The following DOCK5 variants were observed in gnomAD, a reference collection of about 807,000 sequenced individuals.
DOCK5 encodes dedicator of cytokinesis 5.
In DOCK5, 142 loss-of-function variants were observed where a neutral mutation model predicts 251.8. The observed-to-expected ratio is 0.56, with a 90% CI of 0.49 to 0.65. DOCK5 has a LOEUF of 0.65. Ranked by LOEUF, DOCK5 falls within the 30% of genes least tolerant of loss-of-function variation. DOCK5 has a pLI of 0.00. For synonymous variants in DOCK5, 842 were observed against 835.5 expected (o/e 1.01, Z -0.13); for missense variants, 2,111 against 2,312.3 (o/e 0.91, Z 1.79).
chr8:25,363,121 G>T lies in DOCK5; in HGVS notation c.3024G>T (p.Val1008=). ...ATGTCTATGCCAAAGATTGGATGGTGATGAATATGACTCAAAACAGGTGAG... is the reference window on the plus strand; with the variant it reads ...ATGTCTATGCCAAAGATTGGATGGTTATGAATATGACTCAAAACAGGTGAG... ...GKNVYAKDWM[V]MNMTQNRVFL... The change falls in exon 29 of 52, where the codon GTG becomes GTT. Residue 1008 remains valine, a synonymous_variant. Transcript: ENST00000276440. 4 of 1,614,018 alleles carry T rather than the reference G, an allele frequency of 2.5e-6. No homozygotes were observed. The highest frequency in any genetic ancestry group is 1.6e-4 in the Middle Eastern group (1 of 6,062).
chr8:25,188,944 A>T (rs1366999873), intron 1 of DOCK5, among the ~76,000 whole-genome samples: 1 of 152,002 alleles, frequency 6.6e-6, no homozygotes, highest in Non-Finnish European at 1.5e-5. Flanking sequence ...TTTATTTTTA[A>T]GTTTGCTTCC....
At chr8:25,232,213 T>A (rs1001973228) in intron 1 of DOCK5, among the ~76,000 whole-genome samples, 7 of 152,254 alleles carry the variant, frequency 4.6e-5, no homozygotes, top group African/African-American at 1.4e-4. Flanking sequence ...TTTGGCTACT[T>A]GGTAATCTTG....
chr8:25,376,328 T>C (rs559626708), intron 37 of DOCK5: 26 of 985,276 alleles, frequency 2.6e-5, no homozygotes, highest in Non-Finnish European at 3.0e-5. Flanking sequence ...GAGATGCTGT[T>C]TGTTAAGTAT....
chr8:25,214,875 G>C (rs1373435424), intron 1 of DOCK5, among the ~76,000 whole-genome samples: 1 of 152,170 alleles, frequency 6.6e-6, no homozygotes, highest in Non-Finnish European at 1.5e-5. Context: ...AGATGGGATG[G>C]CTAGAATCTG....
At chr8:25,350,559 T>G (rs963503573) in intron 26 of DOCK5, among the ~76,000 whole-genome samples, 4 of 152,210 alleles carry the variant, frequency 2.6e-5, no homozygotes, top group African/African-American at 9.6e-5. Context: ...ATCCTTGTAT[T>G]AGTCTGCTCA....
At chr8:25,290,845 A>T (rs1267753823) in intron 5 of DOCK5, among the ~76,000 whole-genome samples, 1 of 152,208 alleles carries the variant, frequency 6.6e-6, no homozygotes, top group Non-Finnish European at 1.5e-5. Context: ...TGTGGGTGGG[A>T]CCGCTAACAT....
chr8:25,333,970 G>A, intron 20 of DOCK5, 126 bp from the exon 21 acceptor site: 1 of 701,766 alleles, frequency 1.4e-6, no homozygotes, highest in African/African-American at 1.8e-5. Flanking sequence ...CTCTGGAATA[G>A]TAGAGTGGGA....
intron 27 of DOCK5, among the ~76,000 whole-genome samples, chr8:25,352,474 A>G (rs1208722543): frequency 1.3e-5 from 2 of 152,140 alleles, no homozygotes; most frequent in African/African-American, 4.8e-5. Context: ...ATGCCGGGTA[A>G]CAACTATGAT....
Position 25,380,362 on chromosome 8 carries a change from G to A in DOCK5, c.3994G>A (p.Val1332Ile), listed in dbSNP as rs780605885. ...GTTGGCTGAGACTTACGAAAGCAAA[G>A]TATTTGACTACGAGGGCCTTGGCAA... ...KELAETYESKVFDYEGLGNLL... is the reference protein window; with the variant it reads ...KELAETYESKIFDYEGLGNLL... The change falls in exon 39 of 52, where the codon GTA becomes ATA. Residue 1332 changes from valine (V) to isoleucine (I), a missense_variant. This residue lies in a region of DOCK5 where 1,717 missense variants were observed against 1,892.4 expected (regional missense o/e 0.91). Transcript: ENST00000276440. 3.1e-6 allele frequency: 5 copies of A among 1,611,684 alleles called. No individual in the cohort carries two copies. The highest frequency in any genetic ancestry group is 2.2e-5 in the South Asian group (2 of 90,432).
chr8:25,306,442 T>G (rs144925931), intron 11 of DOCK5, among the ~76,000 whole-genome samples: 2 of 152,120 alleles, frequency 1.3e-5, no homozygotes, highest in Admixed American at 6.5e-5. Context: ...CGCATAGGCT[T>G]ACGCCTGTAA....
At chr8:25,369,787 GTGTATA>G in intron 34 of DOCK5, 146 bp downstream of exon 34, 1 of 593,382 alleles carries the variant, frequency 1.7e-6, no homozygotes, top group East Asian at 3.0e-5. Flanking sequence ...TGGTTATGGG[GTGTATA>G]CTGTCCACAG....
chr8:25,317,281 A>G, intron 14 of DOCK5, 150 bp downstream of exon 14: 1 of 1,177,642 alleles, frequency 8.5e-7, no homozygotes, highest in Non-Finnish European at 1.2e-6. Flanking sequence ...ATTTGTGATT[A>G]GCAGTGAGCA....
At chr8:25,282,684 C>A (rs995144968) in intron 5 of DOCK5, among the ~76,000 whole-genome samples, 1 of 151,548 alleles carries the variant, frequency 6.6e-6, no homozygotes, top group African/African-American at 2.4e-5. Flanking sequence ...CATAGCAAGA[C>A]CCTATCTCTA....
intron 16 of DOCK5, among the ~76,000 whole-genome samples, chr8:25,323,070 A>C (rs1044120568): frequency 9.2e-5 from 14 of 152,082 alleles, no homozygotes; most frequent in Non-Finnish European, 1.9e-4. Flanking sequence ...GCCTATGATA[A>C]AAACAGGCCA....
intron 2 of DOCK5, among the ~76,000 whole-genome samples, chr8:25,256,857 G>T (rs1235516465): frequency 6.6e-6 from 1 of 151,210 alleles, no homozygotes; most frequent in South Asian, 2.1e-4. Flanking sequence ...ACAGTCTTAG[G>T]GTTTTTCTAT....
At position 25,304,295 on chromosome 8, in the gene DOCK5, T is replaced by C. The variant is rs1427241484; in HGVS notation, c.1017T>C (p.Asp339=). The part of the protein sequence containing the change: ...ITDIIHGKVD[D]EEKQHFIPFQ... Reference sequence around the variant, plus strand: ...ATATCATACATGGGAAGGTGGATGATGAAGAAAAGCAGCATTTTATTCCCT... The same window carrying C: ...ATATCATACATGGGAAGGTGGATGACGAAGAAAAGCAGCATTTTATTCCCT... The change falls in exon 11 of 52, where the codon GAT becomes GAC. Residue 339 remains aspartate (D), a synonymous_variant. Coordinates refer to ENST00000276440, the MANE Select transcript of DOCK5 (RefSeq NM_024940.8). 3 of 1,611,064 alleles carry C rather than the reference T, an allele frequency of 1.9e-6. No individual in the cohort carries two copies. The highest frequency in any genetic ancestry group is 8.5e-7 in the Non-Finnish European group (1 of 1,178,762).
intron 22 of DOCK5, among the ~76,000 whole-genome samples, chr8:25,340,247 C>T (rs1309563115): frequency 1.3e-5 from 2 of 152,090 alleles, no homozygotes; most frequent in Non-Finnish European, 2.9e-5. Flanking sequence ...TACCATTAAC[C>T]CTCTGATTAA....
intron 28 of DOCK5, among the ~76,000 whole-genome samples, chr8:25,359,889 C>A (rs1800645922): frequency 6.6e-6 from 1 of 152,256 alleles, no homozygotes; most frequent in Non-Finnish European, 1.5e-5. Flanking sequence ...TGCTGTGAAG[C>A]ACTCATCTAA....
intron 1 of DOCK5, among the ~76,000 whole-genome samples, chr8:25,241,862 G>A (rs1242387226): frequency 2.0e-5 from 3 of 152,076 alleles, no homozygotes; most frequent in East Asian, 1.9e-4. Context: ...AGGGACATGG[G>A]TGAAGCTGGA....
Sources: allele counts gnomAD v4.1 joint callset (sites outside exome capture counted in the v4.1 genomes callset), GRCh38; gene constraint gnomAD v4.1.1; regional missense constraint gnomAD v4.1.1; transcripts MANE v1.5; gene names NCBI Gene and HGNC (gene_info 2026-07-23, HGNC 2026-07-21).